DOCK8: variants seen among roughly 807,000 people sequenced by gnomAD.
The protein encoded by DOCK8 is dedicator of cytokinesis protein 8.
Under a neutral mutation model 245.6 loss-of-function variants are expected in DOCK8, and 141 were observed. The ratio of observed to expected loss-of-function variants is 0.57; its 90% CI spans 0.50 to 0.66. The LOEUF (loss-of-function observed/expected upper bound fraction) is 0.66. Among genes scored for constraint, DOCK8 ranks in the 30% least tolerant of loss-of-function variants. The probability of loss-of-function intolerance (pLI) is 0.00; values close to 1 mark genes in which losing one functional copy is unlikely to be tolerated. For synonymous variants in DOCK8, 1,168 were observed against 970.2 expected, an observed-to-expected ratio of 1.20 and a Z score of -3.79; for missense variants, 2,965 against 2,603.4, an observed-to-expected ratio of 1.14 and a Z score of -3.02.
intron 1 of DOCK8, among the ~76,000 whole-genome samples, chr9:219,744 A>G (rs2046842374): frequency 6.6e-6 from 1 of 152,122 alleles, no homozygotes; most frequent in South Asian, 2.1e-4. Context: ...AAAAAATACA[A>G]AAATTAGCCA....
intron 14 of DOCK8, chr9:340,556 G>C: frequency 2.1e-6 from 1 of 475,458 alleles, no homozygotes. Flanking sequence ...AGGAGGCAGA[G>C]GTTGCAGTGA....
At chr9:388,338 C>G (rs10973581) in intron 23 of DOCK8, among the ~76,000 whole-genome samples, 36,125 of 152,096 alleles carry the variant, frequency 0.24, 4,440 homozygotes, top group Middle Eastern at 0.28. Context: ...TGACTAACCT[C>G]ACAAAACGAA....
chr9:449,728 G>C, intron 44 of DOCK8, 56 bp from the exon 45 acceptor site: 1 of 1,611,084 alleles, frequency 6.2e-7, no homozygotes, highest in South Asian at 1.1e-5. Context: ...CTCCAGGCTT[G>C]TCCATAGCTT....
chr9:424,598 C>A (rs1382786739), intron 33 of DOCK8, among the ~76,000 whole-genome samples: 1 of 152,008 alleles, frequency 6.6e-6, no homozygotes, highest in Non-Finnish European at 1.5e-5. Context: ...TTTGTAGAGA[C>A]AGGGTTTCAC....
intron 26 of DOCK8, among the ~76,000 whole-genome samples, chr9:400,857 C>G (rs867781264): frequency 6.8e-5 from 7 of 103,536 alleles, no homozygotes; most frequent in Admixed American, 1.9e-4. Context: ...ACCATCACCA[C>G]CTCCTCCACC....
At chr9:346,570 A>G (rs1392818634) in intron 14 of DOCK8, among the ~76,000 whole-genome samples, 1 of 152,040 alleles carries the variant, frequency 6.6e-6, no homozygotes, top group Non-Finnish European at 1.5e-5. Flanking sequence ...TGTTTATCCA[A>G]TTATCAGACT....
chr9:372,944 C>A (rs2053362640), intron 18 of DOCK8, among the ~76,000 whole-genome samples: 1 of 152,148 alleles, frequency 6.6e-6, no homozygotes. Flanking sequence ...GCAGGCAGAT[C>A]ACTTGAGGTG....
At chr9:233,493 G>C (rs1393159307) in intron 1 of DOCK8, among the ~76,000 whole-genome samples, 4 of 151,980 alleles carry the variant, frequency 2.6e-5, no homozygotes, top group Non-Finnish European at 5.9e-5. Context: ...TGTTGACAGT[G>C]GGGTGTTAAA....
At chr9:271,783 G>C (rs565543666) in intron 2 of DOCK8, 54 bp downstream of exon 2, 1 of 1,307,642 alleles carries the variant, frequency 7.6e-7, no homozygotes, top group East Asian at 2.5e-5. Flanking sequence ...AAAGTGCCCA[G>C]GGTATGTGTT....
At chr9:220,639 G>A (rs1024705821) in intron 1 of DOCK8, 6 of 317,956 alleles carry the variant, frequency 1.9e-5, no homozygotes, top group South Asian at 7.1e-5. Flanking sequence ...GCTTATTAAC[G>A]TTTGGCCTAT....
At chr9:359,749 A>G (rs1409205360) in intron 14 of DOCK8, among the ~76,000 whole-genome samples, 2 of 149,682 alleles carry the variant, frequency 1.3e-5, no homozygotes, top group African/African-American at 4.9e-5. Context: ...ATCTTTGTTC[A>G]TGCAGTTGGC....
At position 336,710 on chromosome 9, in the gene DOCK8, T is replaced by C; in HGVS notation, c.1414T>C (p.Phe472Leu). 1 of 1,614,002 alleles carries C rather than the reference T, an allele frequency of 6.2e-7. No individual in the cohort carries two copies. Residue 472 changes from phenylalanine (F) to leucine (L), a missense_variant, in exon 12 of 48, where the codon TTC becomes CTC. Around this residue, in one of 3 missense-constraint regions of DOCK8, gnomAD observed 2,825 missense variants for 2,453.5 expected, o/e 1.15. Coordinates refer to ENST00000432829, the MANE Select transcript of DOCK8 (RefSeq NM_203447.4). Reference protein sequence around the residue: ...KTSTLSVSSFFKQEGDRLSDE... With the variant: ...KTSTLSVSSFLKQEGDRLSDE... ...CTCCACTCTGAGCGTTAGCAGCTTT[T>C]TCAAGCAGGTATCTCTTCACATTAC...
In DOCK8 at chr9:377,083, A is replaced by G; in HGVS notation, c.2312A>G (p.His771Arg). ...DQKISEMALE[H>R]ELKLSIICLN... ...AAAATCAGCGAGATGGCGCTGGAGCATGAGCTGAAGCTCAGCATCATCTGC... is the reference window on the plus strand; with the variant it reads ...AAAATCAGCGAGATGGCGCTGGAGCGTGAGCTGAAGCTCAGCATCATCTGC... The change falls in exon 20 of 48, where the codon CAT becomes CGT. Residue 771 changes from histidine to arginine, a missense_variant. His to Arg is a conservative substitution (Grantham distance 29). Transcript: ENST00000432829. 1.9e-6 allele frequency: 3 copies of G among 1,613,036 alleles called. No homozygotes were observed. The highest frequency in any genetic ancestry group is 2.2e-5 in the East Asian group (1 of 44,874).
chr9:455,284 A>C (rs2057599370), intron 46 of DOCK8, among the ~76,000 whole-genome samples: 1 of 152,176 alleles, frequency 6.6e-6, no homozygotes, highest in Non-Finnish European at 1.5e-5. Flanking sequence ...GCTTGAGCCC[A>C]GGAGTTCAGG....
chr9:254,343 GC>G (rs1344646683), intron 1 of DOCK8, among the ~76,000 whole-genome samples: 3 of 152,154 alleles, frequency 2.0e-5, no homozygotes, highest in Non-Finnish European at 4.4e-5. Context: ...CCCAACTCTT[GC>G]TATCTCGTTA....
intron 14 of DOCK8, among the ~76,000 whole-genome samples, chr9:363,499 T>C (rs1054154637): frequency 5.9e-5 from 9 of 152,238 alleles, no homozygotes; most frequent in Non-Finnish European, 1.2e-4. Context: ...AAGGAAACGT[T>C]ATTATTCTCT....
intron 1 of DOCK8, among the ~76,000 whole-genome samples, chr9:266,027 C>G (rs2048027691): frequency 6.6e-6 from 1 of 152,050 alleles, no homozygotes; most frequent in South Asian, 2.1e-4. Flanking sequence ...GTTTAAAATA[C>G]TTAAAGTGAG....
Position 464,603 on chromosome 9 carries a change from A to C in DOCK8, c.*384A>C, listed in dbSNP as rs563984600. ...GGAGTAACTCAAATTGCCTGAGGAA[A>C]AATGGAAAAATTATCCACCAGTCGA... On this transcript the variant is annotated 3_prime_UTR_variant, in exon 48 of 48. Transcript: ENST00000432829. 1 of 266,832 alleles carries C rather than the reference A, an allele frequency of 3.7e-6. No homozygotes were observed. The highest frequency in any genetic ancestry group is 4.7e-5 in the South Asian group (1 of 21,274). The allele number at this position is 266,832 out of a possible 1,614,324, so 16.5% of individuals were successfully genotyped here.
intron 1 of DOCK8, among the ~76,000 whole-genome samples, chr9:262,885 A>G (rs2047950407): frequency 6.6e-6 from 1 of 152,018 alleles, no homozygotes; most frequent in South Asian, 2.1e-4. Flanking sequence ...TTGTCTTTTA[A>G]TTAGAGAATT....
Sources: gnomAD v4.1 joint callset for allele counts (sites outside exome capture counted in the v4.1 genomes callset) on GRCh38, gnomAD v4.1.1 for gene constraint, gnomAD v4.1.1 regional missense constraint, MANE v1.5 for transcripts, NCBI Gene and HGNC (gene_info 2026-07-23, HGNC 2026-07-21) for gene names.